The following SPOCK3 variants were observed in gnomAD, a reference collection of about 807,000 sequenced individuals.
SPOCK3 encodes testican-3.
Under a neutral mutation model 56.6 loss-of-function variants are expected in SPOCK3, and 30 were observed. That is an observed-to-expected ratio of 0.53 (90% confidence interval 0.40 to 0.72). SPOCK3 has a LOEUF of 0.72. Ranked by LOEUF, SPOCK3 falls within the 30% of genes least tolerant of loss-of-function variation. SPOCK3 has a pLI of 0.00. For synonymous variants in SPOCK3, 196 were observed against 183.3 expected (o/e 1.07, Z -0.56); for missense variants, 527 against 530.0 (o/e 0.99, Z 0.06).
intron 2 of SPOCK3, among the ~76,000 whole-genome samples, chr4:167,185,788 CAAT>C (rs2110799014): frequency 6.6e-6 from 1 of 152,226 alleles, no homozygotes; most frequent in East Asian, 1.9e-4. Context: ...CCTGACAATA[CAAT>C]GATAGGATTT....
chr4:166,750,321 G>T (rs900906147), intron 8 of SPOCK3, among the ~76,000 whole-genome samples: 1 of 152,072 alleles, frequency 6.6e-6, no homozygotes, highest in Non-Finnish European at 1.5e-5. Flanking sequence ...AGTTTGGACA[G>T]AATCAGACTA....
Position 167,059,389 on chromosome 4 carries a change from A to T in SPOCK3, c.235+3103T>A, listed in dbSNP as rs1356525042. Among the ~76,000 whole-genome samples the T allele has an allele frequency of 7.2e-5, 11 of 152,218 alleles. No individual in the cohort carries two copies. The East Asian group carries it at 2.1e-3, about 29-fold the overall frequency. ...AAGAAGACATTCATGCAGCCAAAAA[A>T]CACATGAAAAAATGCTCACCATCAC... On this transcript the variant is annotated intron_variant, in intron 3 of 10. Transcript: ENST00000357545.
At chr4:166,751,109 G>A (rs534350115) in intron 8 of SPOCK3, among the ~76,000 whole-genome samples, 16 of 152,234 alleles carry the variant, frequency 1.1e-4, no homozygotes, top group Admixed American at 5.9e-4. Context: ...TATTGGTCAC[G>A]TAGCCTCTCA....
At chr4:166,994,189 C>T (rs1353054023) in intron 4 of SPOCK3, among the ~76,000 whole-genome samples, 6 of 152,050 alleles carry the variant, frequency 3.9e-5, no homozygotes, top group African/African-American at 1.4e-4. Context: ...AAATATACAA[C>T]GTGTTTAGGA....
intron 2 of SPOCK3, among the ~76,000 whole-genome samples, chr4:167,159,509 A>G (rs1427959678): frequency 6.6e-6 from 1 of 152,158 alleles, no homozygotes; most frequent in East Asian, 1.9e-4. Context: ...CAATCAATAG[A>G]AAAAGAAGGA....
At chr4:167,214,497 A>T (rs192997439) in intron 2 of SPOCK3, among the ~76,000 whole-genome samples, 281 of 152,214 alleles carry the variant, frequency 1.8e-3, no homozygotes, top group African/African-American at 6.1e-3. Flanking sequence ...CTACAACTTC[A>T]CATTACTTAA....
chr4:166,803,394 TCC>T (rs1742825399), intron 6 of SPOCK3, among the ~76,000 whole-genome samples: 3 of 152,136 alleles, frequency 2.0e-5, no homozygotes, highest in African/African-American at 7.2e-5. Context: ...TAGATGAGTC[TCC>T]GAGCAGGCAT....
At chr4:166,769,024 GT>G (rs1450751090) in intron 7 of SPOCK3, among the ~76,000 whole-genome samples, 3 of 152,136 alleles carry the variant, frequency 2.0e-5, no homozygotes, top group African/African-American at 7.2e-5. Context: ...TCTTGCCATG[GT>G]TTTCAGCTCT....
At position 166,889,625 on chromosome 4, in the gene SPOCK3, T is replaced by C. The variant is rs188062605; in HGVS notation, c.475-381A>G. On this transcript the variant is annotated intron_variant, in intron 5 of 10. Transcript: ENST00000357545. ...GCTTCTCAAATATAATCTCGGTTTT[T>C]GGTTACTTAAGTAAGCATGTCTTCT... is the stretch of plus-strand genomic sequence containing the variant. Among the ~76,000 whole-genome samples, 3 of 152,130 alleles carry C rather than the reference T, an allele frequency of 2.0e-5. No homozygotes were observed. The East Asian group carries it at 5.8e-4, about 29-fold the overall frequency.
At chr4:166,969,266 T>C (rs1247817145) in intron 4 of SPOCK3, among the ~76,000 whole-genome samples, 1 of 152,180 alleles carries the variant, frequency 6.6e-6, no homozygotes, top group Non-Finnish European at 1.5e-5. Context: ...GGAGAACTGT[T>C]AGGAAGGCAT....
intron 2 of SPOCK3, among the ~76,000 whole-genome samples, chr4:167,072,955 G>T (rs1756822458): frequency 6.6e-6 from 1 of 151,752 alleles, no homozygotes; most frequent in Non-Finnish European, 1.5e-5. Flanking sequence ...ATCCTAGAAT[G>T]CTTCTTAGGT....
chr4:166,953,173 G>A (rs199634108), intron 4 of SPOCK3, among the ~76,000 whole-genome samples: 3,179 of 151,142 alleles, frequency 0.021, 98 homozygotes, highest in African/African-American at 0.071. Flanking sequence ...GAAAATTTTC[G>A]CAACCTACTC....
At chr4:167,068,797 G>C (rs940471817) in intron 2 of SPOCK3, among the ~76,000 whole-genome samples, 1 of 151,886 alleles carries the variant, frequency 6.6e-6, no homozygotes, top group Non-Finnish European at 1.5e-5. Context: ...ACTTCAAGGA[G>C]CTCAGAATCT....
chr4:166,968,376 TCTC>T (rs904034738), intron 4 of SPOCK3, among the ~76,000 whole-genome samples: 3 of 152,110 alleles, frequency 2.0e-5, no homozygotes, highest in African/African-American at 7.2e-5. Context: ...CGTGGCAGCC[TCTC>T]CCATCACAGG....
chr4:166,870,921 G>T (rs1425491406), intron 6 of SPOCK3, among the ~76,000 whole-genome samples: 1 of 151,936 alleles, frequency 6.6e-6, no homozygotes, highest in African/African-American at 2.4e-5. Flanking sequence ...AAGATCTGAT[G>T]GTTTTATAAG....
chr4:166,930,563 GA>G (rs1388821343), intron 4 of SPOCK3, among the ~76,000 whole-genome samples: 1 of 151,072 alleles, frequency 6.6e-6, no homozygotes, highest in Non-Finnish European at 1.5e-5. Context: ...ATAAAAATGA[GA>G]AAAAAGCAAC....
chr4:167,130,504 C>T (rs1488601416), intron 2 of SPOCK3, among the ~76,000 whole-genome samples: 1 of 151,924 alleles, frequency 6.6e-6, no homozygotes, highest in Non-Finnish European at 1.5e-5. Flanking sequence ...TACTCATTAC[C>T]CATATTTTAA....
intron 6 of SPOCK3, among the ~76,000 whole-genome samples, chr4:166,861,944 A>C (rs559004243): frequency 6.6e-6 from 1 of 152,250 alleles, no homozygotes; most frequent in African/African-American, 2.4e-5. Flanking sequence ...CCACTTTAGC[A>C]ATCCCCAGAT....
intron 3 of SPOCK3, among the ~76,000 whole-genome samples, chr4:167,042,667 C>T (rs1426967267): frequency 6.6e-6 from 1 of 152,046 alleles, no homozygotes; most frequent in Non-Finnish European, 1.5e-5. Flanking sequence ...TTACACCACC[C>T]CCTATAAAGG....
Sources: gnomAD v4.1 joint callset for allele counts (sites outside exome capture counted in the v4.1 genomes callset) on GRCh38, gnomAD v4.1.1 for gene constraint, MANE v1.5 for transcripts, NCBI Gene and HGNC (gene_info 2026-07-23, HGNC 2026-07-21) for gene names.